Variants in MED27 observed in about 807,000 individuals in gnomAD.
The protein encoded by MED27 is mediator of RNA polymerase II transcription subunit 27.
A neutral mutation model predicts 38.2 loss-of-function variants in MED27; 30 were observed. The ratio of observed to expected loss-of-function variants is 0.79; its 90% CI spans 0.59 to 1.07. The LOEUF is 1.07. Among genes scored for constraint, MED27 ranks in the 50% least tolerant of loss-of-function variants. The pLI is 0.00. For missense variants in MED27, 289 were observed against 397.5 expected (o/e 0.73, Z 2.32); for synonymous variants, 122 against 153.5 (o/e 0.79, Z 1.52).
intron 4 of MED27, among the ~76,000 whole-genome samples, chr9:131,906,014 A>G (rs1224912612): frequency 3.9e-5 from 6 of 152,222 alleles, no homozygotes; most frequent in Non-Finnish European, 5.9e-5. Flanking sequence ...TAGAAATTGC[A>G]AAGAGTTATG....
rs540265316 is a variant in MED27 at position 131,938,294 on chromosome 9, T to C, written c.573+1087A>G. Among the ~76,000 whole-genome samples, 7 of 152,224 alleles carry C rather than the reference T, an allele frequency of 4.6e-5. No individual in the cohort carries two copies. The South Asian group carries it at 1.5e-3, about 32-fold the overall frequency. ...TCCAAAGCAGCAACAGCAGAATAGA[T>C]GGAAAAAATACCCAGTCCTGAACCT... On this transcript the variant is annotated intron_variant, in intron 4 of 7. Coordinates refer to ENST00000292035, the MANE Select transcript of MED27 (RefSeq NM_004269.4).
intron 2 of MED27, among the ~76,000 whole-genome samples, chr9:132,071,488 ACAC>A (rs1833935437): frequency 6.6e-6 from 1 of 151,488 alleles, no homozygotes; most frequent in African/African-American, 2.4e-5. Context: ...ATAAGTCCAT[ACAC>A]GTACGAGTAA....
chr9:131,973,457 C>CTTTTTTTTTTTT (rs747946439), intron 3 of MED27, among the ~76,000 whole-genome samples: 66 of 122,132 alleles, frequency 5.4e-4, no homozygotes, highest in African/African-American at 8.2e-4. Flanking sequence ...TTTTTCTTTT[C>CTTTTTTTTTTTT]TTTTTTTTTT....
intron 3 of MED27, among the ~76,000 whole-genome samples, chr9:131,957,015 A>T (rs1490603853): frequency 1.3e-5 from 2 of 152,220 alleles, no homozygotes; most frequent in Non-Finnish European, 1.5e-5. Flanking sequence ...TGGCTAAAAT[A>T]ACAAGAACTG....
chr9:131,949,690 T>C (rs1359969142), intron 3 of MED27, among the ~76,000 whole-genome samples: 2 of 152,224 alleles, frequency 1.3e-5, no homozygotes, highest in Non-Finnish European at 2.9e-5. Flanking sequence ...GATGGTTTTC[T>C]TTCTTCCCAG....
intron 4 of MED27, among the ~76,000 whole-genome samples, chr9:131,936,231 T>A (rs1295959432): frequency 1.3e-5 from 2 of 152,114 alleles, no homozygotes; most frequent in Middle Eastern, 3.4e-3. Context: ...GCATGACCTG[T>A]CCTCAGAGAC....
rs569102364 is a variant in MED27, at chr9:131,982,340, G to A, written c.479+31997C>T. On this transcript the variant is annotated intron_variant, in intron 3 of 7. Coordinates refer to ENST00000292035, the MANE Select transcript of MED27 (RefSeq NM_004269.4). The surrounding 1 kb of genome is among the most constrained non-coding windows in gnomAD (Gnocchi z 4.3). ...CACACGGAGAGGGAGGGGCTCTGAG[G>A]CTACAGGGAAAGAGAATCAGCTCCC... Among the ~76,000 whole-genome samples the A allele has an allele frequency of 6.6e-6, 1 of 152,270 alleles. No homozygotes were observed. The highest frequency in any genetic ancestry group is 2.1e-4 in the South Asian group (1 of 4,826).
rs190106770 is a variant in MED27 at position 131,980,213 on chromosome 9, G to T, written c.479+34124C>A. 1.2e-4 allele frequency among the ~76,000 whole-genome samples: 18 copies of T among 151,848 alleles called. No individual in the cohort carries two copies. In the East Asian group the frequency reaches 1.7e-3, roughly 15 times the overall value. ...TGGGAAAATGGGAGGCGGGTGGCGG[G>T]GGGGAGAGGGAGGAAAGTGAGGTGC... On this transcript the variant is annotated intron_variant, in intron 3 of 7. Coordinates refer to ENST00000292035, the MANE Select transcript of MED27 (RefSeq NM_004269.4).
At chr9:131,971,976 C>T (rs988743702) in intron 3 of MED27, among the ~76,000 whole-genome samples, 11 of 152,174 alleles carry the variant, frequency 7.2e-5, no homozygotes, top group African/African-American at 2.7e-4. Context: ...GCAGACTACA[C>T]AGGCAACTGA....
At position 132,075,343 on chromosome 9, in the gene MED27, T is replaced by C. The variant is rs186389542; in HGVS notation, c.348+2099A>G. Among the ~76,000 whole-genome samples the C allele has an allele frequency of 2.4e-4, 37 of 152,302 alleles. No homozygotes were observed. In the Middle Eastern group the frequency reaches 0.01, roughly 42 times the overall value. On this transcript the variant is annotated intron_variant, in intron 2 of 7. Coordinates refer to ENST00000292035, the MANE Select transcript of MED27 (RefSeq NM_004269.4). The stretch of plus-strand genomic sequence containing the variant: ...GCTGAGTCTCTTAACTGTTCTCTTG[T>C]GCTGGTGAAAGAACATGGTTCTTTT...
intron 4 of MED27, among the ~76,000 whole-genome samples, chr9:131,902,115 G>T (rs918927754): frequency 1.3e-5 from 2 of 152,082 alleles, no homozygotes; most frequent in Admixed American, 1.3e-4. Flanking sequence ...AAGCCTTGCC[G>T]ATCGAGACTC....
At chr9:131,918,391 T>A (rs561073506) in intron 4 of MED27, among the ~76,000 whole-genome samples, 43 of 152,224 alleles carry the variant, frequency 2.8e-4, no homozygotes, top group Non-Finnish European at 5.9e-4. Flanking sequence ...CAGATATAAG[T>A]GCACCACTGC....
Position 131,893,926 on chromosome 9 carries a change from C to CGA in MED27, c.639_640insTC (p.Val214SerfsTer2). ...TAGACATTCTCGTTATATCCCTTTACTATTGTTCGATCAATGAACAGGCTC... is the reference window on the plus strand; with the variant it reads ...TAGACATTCTCGTTATATCCCTTTACGATATTGTTCGATCAATGAACAGGCTC... On this transcript the variant is annotated frameshift_variant, in exon 5 of 8. Transcript: ENST00000292035. LOFTEE classifies it high-confidence loss of function. 1 of 1,614,204 alleles carries CGA rather than the reference C, an allele frequency of 6.2e-7. No homozygotes were observed. The highest frequency in any genetic ancestry group is 1.1e-5 in the South Asian group (1 of 91,084).
intron 2 of MED27, chr9:132,032,085 G>A (rs558110786): frequency 6.6e-6 from 1 of 152,334 alleles, no homozygotes; most frequent in African/African-American, 2.4e-5. Flanking sequence ...GAGGCGCTAA[G>A]CTTGGCCGCT....
At chr9:131,959,101 A>G (rs1322494808) in intron 3 of MED27, among the ~76,000 whole-genome samples, 1 of 152,278 alleles carries the variant, frequency 6.6e-6, no homozygotes, top group African/African-American at 2.4e-5. Flanking sequence ...AACAATTAAT[A>G]AAACAGGAAG....
intron 6 of MED27, among the ~76,000 whole-genome samples, chr9:131,878,092 C>T (rs552247888): frequency 5.3e-5 from 8 of 151,996 alleles, no homozygotes; most frequent in African/African-American, 1.4e-4. Context: ...CTGGCCAACA[C>T]GGTGAAACCC....
chr9:131,980,361 T>C (rs181812042), intron 3 of MED27, among the ~76,000 whole-genome samples: 186 of 152,252 alleles, frequency 1.2e-3, no homozygotes, highest in Middle Eastern at 6.8e-3. Flanking sequence ...ACACACCGGA[T>C]TCTGATGCTA....
In MED27 at chr9:131,907,737, G is replaced by A. The variant is rs1283505613; in HGVS notation, c.574-13745C>T. Among the ~76,000 whole-genome samples the A allele has an allele frequency of 4.7e-5, 7 of 150,382 alleles. No homozygotes were observed. The East Asian group carries it at 6.0e-4, about 13-fold the overall frequency. On this transcript the variant is annotated intron_variant, in intron 4 of 7. Coordinates refer to ENST00000292035, the MANE Select transcript of MED27 (RefSeq NM_004269.4). ...CTGCCCAGTCTGGAAAGTGAGGAGC[G>A]TCTCTGCCCGGCCGCCATCCCATCT... is the stretch of plus-strand genomic sequence containing the variant.
At chr9:132,016,362 T>C (rs1480249990) in intron 2 of MED27, among the ~76,000 whole-genome samples, 1 of 152,196 alleles carries the variant, frequency 6.6e-6, no homozygotes, top group Non-Finnish European at 1.5e-5. Context: ...GCCTTACAGG[T>C]GCCCAATACA....
Sources: gnomAD v4.1 joint callset for allele counts (sites outside exome capture counted in the v4.1 genomes callset) on GRCh38, gnomAD v4.1.1 for gene constraint, Gnocchi (gnomAD v3.1) non-coding constraint, MANE v1.5 for transcripts, NCBI Gene and HGNC (gene_info 2026-07-23, HGNC 2026-07-21) for gene names.